The following GSK3B variants were observed in gnomAD, a reference collection of about 807,000 sequenced individuals.
GSK3B encodes the protein glycogen synthase kinase 3 beta.
GSK3B carries 15 observed loss-of-function variants against 56.4 expected under a neutral mutation model. The observed-to-expected ratio is 0.27, with a 90% CI of 0.18 to 0.41. The LOEUF is 0.41. GSK3B is among the 10% of genes least tolerant of loss of function. The pLI is 1.00. For synonymous variants in GSK3B, 181 were observed against 188.9 expected (o/e 0.96, Z 0.34); for missense variants, 300 against 513.4 (o/e 0.58, Z 4.02).
At chr3:119,839,231 A>G (rs1479884636) in intron 10 of GSK3B, among the ~76,000 whole-genome samples, 1 of 152,224 alleles carries the variant, frequency 6.6e-6, no homozygotes, top group Non-Finnish European at 1.5e-5. Context: ...TGTATTTAAA[A>G]TTTAATAAGA....
intron 1 of GSK3B, among the ~76,000 whole-genome samples, chr3:120,086,848 A>G (rs577494801): frequency 2.9e-3 from 444 of 152,290 alleles, no homozygotes; most frequent in African/African-American, 0.01. Context: ...AACAATTATC[A>G]GAATGATTTA....
chr3:120,034,840 G>A (rs1301521589), intron 1 of GSK3B, among the ~76,000 whole-genome samples: 1 of 152,152 alleles, frequency 6.6e-6, no homozygotes, highest in African/African-American at 2.4e-5. Context: ...ACTCATGCCT[G>A]TAATCCCAGC....
At chr3:119,840,808 G>A (rs2055761021) in intron 10 of GSK3B, among the ~76,000 whole-genome samples, 1 of 152,138 alleles carries the variant, frequency 6.6e-6, no homozygotes, top group Non-Finnish European at 1.5e-5. Flanking sequence ...TTTTTTGTTA[G>A]AATGATGATG....
intron 7 of GSK3B, among the ~76,000 whole-genome samples, chr3:119,902,873 C>T (rs927013620): frequency 2.0e-5 from 3 of 152,004 alleles, no homozygotes; most frequent in Admixed American, 2.0e-4. Flanking sequence ...TGCCACTATG[C>T]CTGGCTAATT....
intron 10 of GSK3B, among the ~76,000 whole-genome samples, chr3:119,842,162 A>C (rs2055781097): frequency 6.6e-6 from 1 of 152,214 alleles, no homozygotes; most frequent in South Asian, 2.1e-4. Context: ...TTTAAGTTTT[A>C]AAAGCATCCA....
At chr3:119,973,809 C>T (rs1440990117) in intron 2 of GSK3B, among the ~76,000 whole-genome samples, 2 of 152,064 alleles carry the variant, frequency 1.3e-5, no homozygotes, top group East Asian at 3.9e-4. Flanking sequence ...ATATAGGATT[C>T]GGTACTATTC....
chr3:119,996,257 T>C (rs1305229408), intron 2 of GSK3B, among the ~76,000 whole-genome samples: 1 of 152,252 alleles, frequency 6.6e-6, no homozygotes, highest in Non-Finnish European at 1.5e-5. Flanking sequence ...CTTAAACCAC[T>C]GTCTGTACAT....
chr3:119,936,403 G>A (rs1427806919), intron 3 of GSK3B, among the ~76,000 whole-genome samples: 4 of 148,220 alleles, frequency 2.7e-5, no homozygotes, highest in African/African-American at 1.0e-4. Context: ...CTGGAGTGCA[G>A]TGGTAGGATC....
intron 3 of GSK3B, among the ~76,000 whole-genome samples, chr3:119,926,804 T>C (rs892949771): frequency 2.0e-5 from 3 of 152,196 alleles, no homozygotes; most frequent in African/African-American, 7.2e-5. Context: ...CCCCAAGACA[T>C]GCTCAAAGCT....
At chr3:119,943,314 C>T (rs1014700022) in intron 3 of GSK3B, among the ~76,000 whole-genome samples, 1 of 151,916 alleles carries the variant, frequency 6.6e-6, no homozygotes, top group African/African-American at 2.4e-5. Context: ...GGTAGCTTAG[C>T]TACAATTCTA....
intron 3 of GSK3B, among the ~76,000 whole-genome samples, chr3:119,939,582 T>C (rs1307158525): frequency 6.6e-6 from 1 of 152,138 alleles, no homozygotes; most frequent in Non-Finnish European, 1.5e-5. Context: ...TGTTTTAAAA[T>C]ACTGTTTAGG....
At chr3:120,064,339 C>CACACAAAAATCAGAATTTTTAT (rs1337630019) in intron 1 of GSK3B, among the ~76,000 whole-genome samples, 1 of 151,592 alleles carries the variant, frequency 6.6e-6, no homozygotes, top group African/African-American at 2.4e-5. Context: ...ATAAGATCAA[C>CACACAAAAATCAGAATTTTTAT]ACACAAAAAT....
chr3:119,942,328 C>T (rs1019450434), intron 3 of GSK3B, among the ~76,000 whole-genome samples: 1 of 152,048 alleles, frequency 6.6e-6, no homozygotes, highest in African/African-American at 2.4e-5. Flanking sequence ...GACGGAGTTT[C>T]ACTGTTGTTG....
intron 3 of GSK3B, among the ~76,000 whole-genome samples, chr3:119,933,575 T>A (rs1299327361): frequency 6.6e-6 from 1 of 152,176 alleles, no homozygotes; most frequent in Non-Finnish European, 1.5e-5. Flanking sequence ...CATGATAGTA[T>A]GTTAAAGAAG....
At chr3:120,083,179 T>C (rs955973331) in intron 1 of GSK3B, among the ~76,000 whole-genome samples, 1 of 152,204 alleles carries the variant, frequency 6.6e-6, no homozygotes, top group Admixed American at 6.5e-5. Flanking sequence ...TTTCCAGGTA[T>C]ATTTATCAAA....
chr3:120,062,650 T>A (rs1247071872), intron 1 of GSK3B, among the ~76,000 whole-genome samples: 1 of 152,100 alleles, frequency 6.6e-6, no homozygotes, highest in African/African-American at 2.4e-5. Context: ...ATACAGAGAA[T>A]GGGAAGAATG....
intron 9 of GSK3B, among the ~76,000 whole-genome samples, chr3:119,847,797 A>C (rs2055875329): frequency 6.6e-6 from 1 of 152,230 alleles, no homozygotes; most frequent in Non-Finnish European, 1.5e-5. Flanking sequence ...AATACTGTAC[A>C]AACATATTCT....
intron 1 of GSK3B, among the ~76,000 whole-genome samples, chr3:120,070,250 A>C (rs1193369262): frequency 6.6e-6 from 1 of 151,820 alleles, no homozygotes; most frequent in East Asian, 1.9e-4. Flanking sequence ...CAAAAAAAAA[A>C]AACATCCTGT....
chr3:120,087,919 GTCTC>G (rs1159612747), intron 1 of GSK3B, among the ~76,000 whole-genome samples: 2 of 151,778 alleles, frequency 1.3e-5, no homozygotes, highest in Non-Finnish European at 2.9e-5. Flanking sequence ...TTGAGACAGA[GTCTC>G]TCTCTGTCGC....
Sources: allele counts gnomAD v4.1 joint callset (sites outside exome capture counted in the v4.1 genomes callset), GRCh38; gene constraint gnomAD v4.1.1; transcripts MANE v1.5; gene names NCBI Gene and HGNC (gene_info 2026-07-23, HGNC 2026-07-21).